Variants in STIM2 observed in about 807,000 individuals in gnomAD.
STIM2 encodes stromal interaction molecule 2.
In STIM2, 31 loss-of-function variants were observed where a neutral mutation model predicts 85.8. The observed-to-expected ratio is 0.36, with a 90% CI of 0.27 to 0.49. The LOEUF (loss-of-function observed/expected upper bound fraction) is 0.49, where lower values mean the gene tolerates loss of function less well. STIM2 is among the 20% of genes least tolerant of loss of function. The pLI is 0.98. For missense variants in STIM2, 841 were observed against 927.6 expected, an observed-to-expected ratio of 0.91 and a Z score of 1.21; for synonymous variants, 356 against 331.1, an observed-to-expected ratio of 1.08 and a Z score of -0.82.
chr4:26,874,690 A>C (rs1029978030), intron 1 of STIM2, among the ~76,000 whole-genome samples: 2 of 152,236 alleles, frequency 1.3e-5, no homozygotes, highest in African/African-American at 4.8e-5. Flanking sequence ...AGAACATTAA[A>C]AAAGTGCTGG....
intron 3 of STIM2, among the ~76,000 whole-genome samples, chr4:26,985,128 G>C (rs1311125152): frequency 6.6e-6 from 1 of 152,156 alleles, no homozygotes; most frequent in Non-Finnish European, 1.5e-5. Context: ...TGTCTTGACT[G>C]TGCTGAGCAG....
At chr4:26,902,474 C>T (rs1249676207) in intron 1 of STIM2, among the ~76,000 whole-genome samples, 3 of 152,026 alleles carry the variant, frequency 2.0e-5, no homozygotes, top group Admixed American at 6.6e-5. Flanking sequence ...TTGACAAAGC[C>T]GTGTCTCCAG....
At chr4:26,921,341 T>G (rs949038931) in intron 2 of STIM2, among the ~76,000 whole-genome samples, 1 of 152,218 alleles carries the variant, frequency 6.6e-6, no homozygotes, top group African/African-American at 2.4e-5. Context: ...GAGAATAAAT[T>G]TCTATCGTGG....
chr4:27,016,716 G>A (rs932217909), intron 10 of STIM2, among the ~76,000 whole-genome samples: 3 of 152,186 alleles, frequency 2.0e-5, no homozygotes, highest in East Asian at 1.9e-4. Context: ...TTTATCCAGA[G>A]CACTGACTCA....
intron 3 of STIM2, among the ~76,000 whole-genome samples, chr4:26,967,461 A>G (rs1467265435): frequency 1.3e-5 from 2 of 152,196 alleles, no homozygotes; most frequent in African/African-American, 4.8e-5. Flanking sequence ...ATGAGCATCT[A>G]GAGAGGGGAG....
At chr4:26,898,921 C>A (rs928417427) in intron 1 of STIM2, among the ~76,000 whole-genome samples, 1 of 151,718 alleles carries the variant, frequency 6.6e-6, no homozygotes, top group Non-Finnish European at 1.5e-5. Context: ...AATTTTATTT[C>A]TAGATTATTC....
At chr4:26,937,927 A>G (rs866929684) in intron 2 of STIM2, among the ~76,000 whole-genome samples, 8 of 152,292 alleles carry the variant, frequency 5.3e-5, no homozygotes, top group African/African-American at 1.7e-4. Context: ...TTCTACTAAC[A>G]TGACGGAAAC....
At chr4:26,903,796 T>A (rs1345207516) in intron 1 of STIM2, among the ~76,000 whole-genome samples, 1 of 152,114 alleles carries the variant, frequency 6.6e-6, no homozygotes, top group Non-Finnish European at 1.5e-5. Flanking sequence ...AGTGTCAAAT[T>A]CGATACCACC....
rs534179705 is a variant in STIM2 at position 26,901,370 on chromosome 4, A to G, written c.152-18134A>G. On this transcript the variant is annotated intron_variant, in intron 1 of 11. Transcript: ENST00000467087. ...ATACTAATTTCTATGAGGATTCAAT[A>G]AACATATTAAATTCATTATACTTTT... is the stretch of plus-strand genomic sequence containing the variant. Among the ~76,000 whole-genome samples the G allele has an allele frequency of 1.3e-4, 20 of 152,316 alleles. No individual in the cohort carries two copies. The East Asian group carries it at 2.5e-3, about 19-fold the overall frequency.
At chr4:26,959,439 G>A (rs1263346964) in intron 3 of STIM2, among the ~76,000 whole-genome samples, 1 of 151,174 alleles carries the variant, frequency 6.6e-6, no homozygotes, top group Non-Finnish European at 1.5e-5. Context: ...TTTTTTTCTG[G>A]TACTCTTGAT....
intron 3 of STIM2, among the ~76,000 whole-genome samples, chr4:26,990,717 A>G (rs896621932): frequency 9.2e-5 from 14 of 152,186 alleles, no homozygotes; most frequent in Admixed American, 1.3e-4. Context: ...ACCAGAATAT[A>G]TAAGGAACTC....
chr4:26,975,565 CTGCAGAACAGCAAATAT>C (rs1405348375), intron 3 of STIM2, among the ~76,000 whole-genome samples: 28 of 152,306 alleles, frequency 1.8e-4, no homozygotes, highest in African/African-American at 5.8e-4. Context: ...CCAGTGGAGG[CTGCAGAACAGCAAATAT>C]TGCAGAACAG....
intron 3 of STIM2, among the ~76,000 whole-genome samples, chr4:26,981,969 CT>C (rs143405031): frequency 0.02 from 2,998 of 147,434 alleles, 96 homozygotes; most frequent in African/African-American, 0.069. Context: ...ATGTGTAATT[CT>C]TTTTTTTTTT....
chr4:27,019,038 A>T (rs1321641051), intron 11 of STIM2, among the ~76,000 whole-genome samples: 1 of 152,184 alleles, frequency 6.6e-6, no homozygotes, highest in Non-Finnish European at 1.5e-5. Flanking sequence ...GAAACTCTTA[A>T]TTTGAGGAGC....
At chr4:27,013,435 A>T (rs1728629751) in intron 10 of STIM2, among the ~76,000 whole-genome samples, 1 of 152,042 alleles carries the variant, frequency 6.6e-6, no homozygotes, top group South Asian at 2.1e-4. Flanking sequence ...CCATGGTTTC[A>T]GGCATCCACT....
At chr4:26,994,384 C>T (rs765074362) in intron 3 of STIM2, among the ~76,000 whole-genome samples, 5 of 152,158 alleles carry the variant, frequency 3.3e-5, no homozygotes, top group East Asian at 1.9e-4. Flanking sequence ...ATTTCATCAG[C>T]GCATCTTAAT....
chr4:26,986,375 T>C (rs1560230594), intron 3 of STIM2, among the ~76,000 whole-genome samples: 1 of 152,152 alleles, frequency 6.6e-6, no homozygotes, highest in Non-Finnish European at 1.5e-5. Flanking sequence ...CTTTAAGATA[T>C]TTTGGATAGT....
At chr4:26,983,899 A>G (rs576624176) in intron 3 of STIM2, among the ~76,000 whole-genome samples, 4 of 152,360 alleles carry the variant, frequency 2.6e-5, no homozygotes, top group Admixed American at 2.6e-4. Flanking sequence ...GCATGAAGGA[A>G]TTCCAAGTTG....
chr4:26,867,181 A>C (rs966817846), intron 1 of STIM2, among the ~76,000 whole-genome samples: 1 of 152,214 alleles, frequency 6.6e-6, no homozygotes, highest in Non-Finnish European at 1.5e-5. Flanking sequence ...GGCTATTTAT[A>C]TGAAGTTTAA....
Sources: allele counts gnomAD v4.1 joint callset (sites outside exome capture counted in the v4.1 genomes callset), GRCh38; gene constraint gnomAD v4.1.1; transcripts MANE v1.5; gene names NCBI Gene and HGNC (gene_info 2026-07-23, HGNC 2026-07-21).